The following SLIT2 variants were observed in gnomAD, a reference collection of about 807,000 sequenced individuals.
SLIT2 encodes slit homolog 2 protein.
A neutral mutation model predicts 185.7 loss-of-function variants in SLIT2; 41 were observed. That is an observed-to-expected ratio of 0.22 (90% CI 0.17 to 0.29). SLIT2 has a LOEUF of 0.29. Ranked by LOEUF, SLIT2 falls within the 10% of genes least tolerant of loss-of-function variation. The probability of loss-of-function intolerance (pLI) is 1.00; values close to 1 mark genes in which losing one functional copy is unlikely to be tolerated. For synonymous variants in SLIT2, 693 were observed against 680.2 expected (o/e 1.02, Z -0.29); for missense variants, 1,571 against 1,909.0 (o/e 0.82, Z 3.30).
In SLIT2 at chr4:20,488,398, C is replaced by T. The variant is rs576984343; in HGVS notation, c.612-421C>T. On this transcript the variant is annotated intron_variant, in intron 7 of 36. Coordinates refer to ENST00000504154, the MANE Select transcript of SLIT2 (RefSeq NM_004787.4). Reference sequence around the variant, plus strand: ...GTTTTATAAGCGGTTTCTATAGAGACTCATAATGGCAGGAATTATTGATAT... The same window carrying T: ...GTTTTATAAGCGGTTTCTATAGAGATTCATAATGGCAGGAATTATTGATAT... Among the ~76,000 whole-genome samples the T allele has an allele frequency of 3.9e-5, 6 of 152,300 alleles. No homozygotes were observed. In the East Asian group the frequency reaches 7.7e-4, roughly 20 times the overall value.
intron 12 of SLIT2, among the ~76,000 whole-genome samples, chr4:20,520,033 CAAAAAAAA>C (rs34644308): frequency 1.5e-5 from 1 of 68,384 alleles, no homozygotes; most frequent in South Asian, 7.9e-4. Flanking sequence ...GACTCCGTCT[CAAAAAAAA>C]AAAAAAAAAA....
chr4:20,441,386 A>G lies in SLIT2; in HGVS notation c.396-26366A>G, dbSNP rs559967619. Among the ~76,000 whole-genome samples the G allele has an allele frequency of 5.3e-4, 80 of 152,276 alleles. No homozygotes were observed. In the South Asian group the frequency reaches 0.015, roughly 28 times the overall value. On this transcript the variant is annotated intron_variant, in intron 4 of 36. Transcript: ENST00000504154. Reference sequence around the variant, plus strand: ...TTTGGTTCAACTACACAGTTTCACTATAGCCAACAGTTTGTCTGGATAAGC... The same window carrying G: ...TTTGGTTCAACTACACAGTTTCACTGTAGCCAACAGTTTGTCTGGATAAGC...
intron 4 of SLIT2, among the ~76,000 whole-genome samples, chr4:20,303,708 A>G (rs539141231): frequency 2.8e-4 from 42 of 152,294 alleles, no homozygotes; most frequent in African/African-American, 9.1e-4. Flanking sequence ...GTGTAGACAT[A>G]TGTATGTGGT....
chr4:20,511,586 A>AATTTTTTTTTTTTT (rs1366999733), intron 11 of SLIT2, among the ~76,000 whole-genome samples: 45 of 25,486 alleles, frequency 1.8e-3, no homozygotes, highest in African/African-American at 7.5e-3. Context: ...ACATCCAGCT[A>AATTTTTTTTTTTTT]ATTTTTTTTT....
Position 20,541,567 on chromosome 4 carries a change from G to A in SLIT2, c.2091G>A (p.Leu697=). The A allele has an allele frequency of 6.2e-7, 1 of 1,614,056 alleles. No individual in the cohort carries two copies. The highest frequency in any genetic ancestry group is 1.1e-5 in the South Asian group (1 of 91,076). Residue 697 remains leucine (L), a synonymous_variant, in exon 20 of 37, where the codon CTG becomes CTA. Transcript: ENST00000504154. ...GNPRCQKPYF[L]KEIPIQDVAI... ...CTAGATGTCAAAAACCATACTTCCT[G>A]AAAGAAATACCCATCCAGGATGTGG...
At chr4:20,510,061 A>C (rs1475676614) in intron 9 of SLIT2, among the ~76,000 whole-genome samples, 1 of 152,194 alleles carries the variant, frequency 6.6e-6, no homozygotes, top group Non-Finnish European at 1.5e-5. Flanking sequence ...AGGAAATAAA[A>C]GGCTTATAAA....
intron 33 of SLIT2, among the ~76,000 whole-genome samples, chr4:20,608,232 T>G (rs1211062104): frequency 6.6e-6 from 1 of 152,118 alleles, no homozygotes; most frequent in Non-Finnish European, 1.5e-5. Flanking sequence ...TAGCATTTAC[T>G]GAAGAGAAAA....
intron 4 of SLIT2, among the ~76,000 whole-genome samples, chr4:20,294,528 A>G (rs1439055407): frequency 6.6e-6 from 1 of 152,104 alleles, no homozygotes; most frequent in Non-Finnish European, 1.5e-5. Context: ...TCTCCCCCAT[A>G]AATTCTCCGG....
intron 4 of SLIT2, among the ~76,000 whole-genome samples, chr4:20,324,577 A>G (rs940379484): frequency 5.9e-5 from 9 of 152,158 alleles, no homozygotes; most frequent in African/African-American, 2.2e-4. Flanking sequence ...CAGCGTGATG[A>G]CTATAGTTGA....
chr4:20,294,714 T>C (rs2109090827), intron 4 of SLIT2, among the ~76,000 whole-genome samples: 1 of 152,288 alleles, frequency 6.6e-6, no homozygotes, highest in South Asian at 2.1e-4. Flanking sequence ...AATTTATGGA[T>C]GAAAAAGCTG....
At chr4:20,330,004 G>A (rs1471311221) in intron 4 of SLIT2, among the ~76,000 whole-genome samples, 1 of 151,148 alleles carries the variant, frequency 6.6e-6, no homozygotes, top group Non-Finnish European at 1.5e-5. Flanking sequence ...TTTCTTCTTT[G>A]CCTCTTTTAT....
At position 20,332,673 on chromosome 4, in the gene SLIT2, C is replaced by CA. The variant is rs368864646; in HGVS notation, c.395+63801dup. Among the ~76,000 whole-genome samples the CA allele has an allele frequency of 2.8e-3, 408 of 147,998 alleles. 2 individuals are homozygous for CA. Among genetic ancestry groups the CA allele is most frequent in the African/African-American group, 6.0e-3 (243 of 40,248 alleles). On this transcript the variant is annotated intron_variant, in intron 4 of 36. Coordinates refer to ENST00000504154, the MANE Select transcript of SLIT2 (RefSeq NM_004787.4). ...TGGGCAACAAAGTGAGACTCCTTCT[C>CA]AAAAAAAAACAAAAACAAAAACAAA...
chr4:20,542,549 C>T lies in SLIT2; in HGVS notation c.2199C>T (p.Cys733=), dbSNP rs1722891817. 6.2e-7 allele frequency: 1 copy of T among 1,613,666 alleles called. No homozygotes were observed. The highest frequency in any genetic ancestry group is 8.5e-7 in the Non-Finnish European group (1 of 1,179,642). ...CTCGCTGTCCTACTGAATGTACTTG[C>T]TTGGATACAGTCGTCCGATGTAGCA... The part of the protein sequence containing the change: ...PLSRCPTECT[C]LDTVVRCSNK... Residue 733 remains cysteine, a synonymous_variant, in exon 21 of 37, where the codon TGC becomes TGT. Transcript: ENST00000504154.
At chr4:20,306,466 T>C (rs1198633294) in intron 4 of SLIT2, among the ~76,000 whole-genome samples, 1 of 152,176 alleles carries the variant, frequency 6.6e-6, no homozygotes, top group Non-Finnish European at 1.5e-5. Flanking sequence ...TTTAATTCTC[T>C]TTTCTTCTTT....
intron 1 of SLIT2, among the ~76,000 whole-genome samples, chr4:20,255,254 T>C (rs1390942931): frequency 1.3e-5 from 2 of 152,218 alleles, no homozygotes; most frequent in African/African-American, 4.8e-5. Flanking sequence ...CGCAGCCCAT[T>C]GCACTTCAAG....
intron 4 of SLIT2, among the ~76,000 whole-genome samples, chr4:20,402,254 C>T (rs1726419419): frequency 6.6e-6 from 1 of 151,826 alleles, no homozygotes; most frequent in South Asian, 2.1e-4. Context: ...ACTCTTCCCC[C>T]AACACTATTT....
At chr4:20,441,571 T>A (rs1182908846) in intron 4 of SLIT2, among the ~76,000 whole-genome samples, 1 of 129,624 alleles carries the variant, frequency 7.7e-6, no homozygotes, top group Non-Finnish European at 1.6e-5. Flanking sequence ...CCATCCCAGA[T>A]CCAACCCGCA....
chr4:20,297,211 G>T (rs900055738), intron 4 of SLIT2, among the ~76,000 whole-genome samples: 5 of 152,052 alleles, frequency 3.3e-5, no homozygotes, highest in Non-Finnish European at 7.4e-5. Context: ...AATAAAATTG[G>T]ATGAATGCTG....
chr4:20,439,114 T>G (rs1164317214), intron 4 of SLIT2, among the ~76,000 whole-genome samples: 1 of 152,190 alleles, frequency 6.6e-6, no homozygotes, highest in Non-Finnish European at 1.5e-5. Context: ...CTTGGATGAG[T>G]TATTATTTCC....
Sources: gnomAD v4.1 joint callset for allele counts (sites outside exome capture counted in the v4.1 genomes callset) on GRCh38, gnomAD v4.1.1 for gene constraint, MANE v1.5 for transcripts, NCBI Gene and HGNC (gene_info 2026-07-23, HGNC 2026-07-21) for gene names.